ARMH1: variants seen among roughly 807,000 people sequenced by gnomAD.
The protein encoded by ARMH1 is armadillo like helical domain containing 1.
A neutral mutation model predicts 50.2 loss-of-function variants in ARMH1; 34 were observed. The observed-to-expected ratio is 0.68, with a 90% CI of 0.51 to 0.90. ARMH1 has a LOEUF of 0.90. ARMH1 is among the 40% of genes least tolerant of loss of function. ARMH1 has a pLI of 0.00. For synonymous variants in ARMH1, 221 were observed against 224.2 expected, an observed-to-expected ratio of 0.99 and a Z score of 0.13; for missense variants, 538 against 553.9, an observed-to-expected ratio of 0.97 and a Z score of 0.29.
At chr1:44,710,463 G>C (rs1413934808) in intron 6 of ARMH1, among the ~76,000 whole-genome samples, 2 of 151,868 alleles carry the variant, frequency 1.3e-5, no homozygotes, top group East Asian at 3.9e-4. Context: ...CAAAAAATTA[G>C]CCGGGCGTGG....
At chr1:44,721,733 C>T (rs746023351) in intron 6 of ARMH1, 6 of 151,974 alleles carry the variant, frequency 3.9e-5, no homozygotes, top group African/African-American at 9.7e-5. Context: ...ACCCCAACCT[C>T]CCAAAGCATG....
chr1:44,686,954 A>G (rs923415020), intron 1 of ARMH1, among the ~76,000 whole-genome samples: 4 of 139,106 alleles, frequency 2.9e-5, no homozygotes, highest in African/African-American at 1.1e-4. Flanking sequence ...CTCATTTCAG[A>G]AAAAAAAAAA....
intron 2 of ARMH1, among the ~76,000 whole-genome samples, chr1:44,691,756 T>C (rs1053675229): frequency 3.3e-5 from 5 of 152,214 alleles, no homozygotes; most frequent in African/African-American, 1.2e-4. Flanking sequence ...TACCCATATA[T>C]CCATCTTCAC....
intron 6 of ARMH1, among the ~76,000 whole-genome samples, chr1:44,721,170 G>A (rs1417139001): frequency 6.6e-6 from 1 of 152,052 alleles, no homozygotes; most frequent in Admixed American, 6.6e-5. Flanking sequence ...AGGTCAAGGT[G>A]GGCCAAAAGT....
chr1:44,693,712 T>A (rs1420015595), intron 2 of ARMH1, among the ~76,000 whole-genome samples: 1 of 152,210 alleles, frequency 6.6e-6, no homozygotes, highest in African/African-American at 2.4e-5. Flanking sequence ...CACCTTGACC[T>A]CTCAAAGTGC....
rs143381915 is a variant in ARMH1, at chr1:44,724,713, C to T, written c.1050+45C>T. 4 of 1,490,588 alleles carry T rather than the reference C, an allele frequency of 2.7e-6. No homozygotes were observed. Among genetic ancestry groups the T allele is most frequent in the Non-Finnish European group, 3.5e-6 (4 of 1,126,898 alleles). 92.3% of individuals were successfully genotyped at this position (1,490,588 alleles called of 1,614,324 possible). The stretch of plus-strand genomic sequence containing the variant: ...AGGGGGCGGGAAGGGCGGCGGCACC[C>T]GCAGCCCCGTCGCCCCCGCAGTCAC... On this transcript the variant is annotated intron_variant, in intron 9 of 11. Transcript: ENST00000535358. The surrounding 1 kb of genome is among the most constrained non-coding windows in gnomAD (Gnocchi z 6.4).
rs961525410 is a variant in ARMH1 at position 44,682,858 on chromosome 1, C to G, written c.-22-6818C>G. The stretch of plus-strand genomic sequence containing the variant: ...AGGAGGCTGAGGTGGGAGGATCACT[C>G]GAGCCCAGGCGATTGAGGCTGCGGT... On this transcript the variant is annotated intron_variant, in intron 1 of 11. Transcript: ENST00000535358. This position sits in a 1 kb window ranked among gnomAD's most constrained non-coding sequence, Gnocchi z 4.5. Among the ~76,000 whole-genome samples, 2 of 152,130 alleles carry G rather than the reference C, an allele frequency of 1.3e-5. No individual in the cohort carries two copies. Among genetic ancestry groups the G allele is most frequent in the African/African-American group, 2.4e-5 (1 of 41,418 alleles).
At chr1:44,709,849 G>T (rs1646523025) in intron 6 of ARMH1, among the ~76,000 whole-genome samples, 1 of 151,884 alleles carries the variant, frequency 6.6e-6, no homozygotes, top group African/African-American at 2.4e-5. Context: ...AAAAAAAATT[G>T]CTGAAAATAT....
intron 6 of ARMH1, among the ~76,000 whole-genome samples, chr1:44,711,664 A>G (rs1222637311): frequency 6.6e-6 from 1 of 152,078 alleles, no homozygotes; most frequent in Non-Finnish European, 1.5e-5. Flanking sequence ...TTTCTCATTT[A>G]TTCATTTACT....
intron 2 of ARMH1, among the ~76,000 whole-genome samples, chr1:44,694,879 C>CCTAA (rs1413985401): frequency 6.6e-6 from 1 of 152,082 alleles, no homozygotes; most frequent in Non-Finnish European, 1.5e-5. Flanking sequence ...GTCATTTGGG[C>CCTAA]CTAACACCCA....
At chr1:44,716,728 C>T (rs1003261148) in intron 6 of ARMH1, among the ~76,000 whole-genome samples, 17 of 152,324 alleles carry the variant, frequency 1.1e-4, no homozygotes, top group Admixed American at 2.0e-4. Context: ...GGCCTCTACA[C>T]CAATCTTCAT....
rs1647921220 is a variant in ARMH1, at chr1:44,724,443, G to A, written c.920+51G>A. ...GCTGCAGCAAGCCTGGCTTGGCGCT[G>A]CCGGCGGGCCCCGGGAGCGCTCCGT... On this transcript the variant is annotated intron_variant, in intron 8 of 11. Transcript: ENST00000535358. The surrounding 1 kb of genome is among the most constrained non-coding windows in gnomAD (Gnocchi z 6.4). 6.5e-7 allele frequency: 1 copy of A among 1,535,856 alleles called. No homozygotes were observed.
rs146787185 is a variant in ARMH1 at position 44,688,868 on chromosome 1, T to A, written c.-22-808T>A. Among the ~76,000 whole-genome samples the A allele has an allele frequency of 1.6e-3, 240 of 152,270 alleles. 1 individual carries two copies. Among genetic ancestry groups the A allele is most frequent in the African/African-American group, 5.5e-3 (229 of 41,552 alleles). ...TAATCCAACTATGGAATGGGAACATTTTCTTCCCACTAACTTTTTTTTAAG... is the reference window on the plus strand; with the variant it reads ...TAATCCAACTATGGAATGGGAACATATTCTTCCCACTAACTTTTTTTTAAG... On this transcript the variant is annotated intron_variant, in intron 1 of 11. Transcript: ENST00000535358.
intron 1 of ARMH1, 109 bp from the exon 2 acceptor site, chr1:44,689,567 C>A (rs1034983995): frequency 2.4e-6 from 2 of 822,482 alleles, no homozygotes; most frequent in African/African-American, 1.7e-5. Context: ...TAACTACATC[C>A]ATTTGCATGA....
In ARMH1 at chr1:44,682,367, A is replaced by G. The variant is rs543043641; in HGVS notation, c.-22-7309A>G. Among the ~76,000 whole-genome samples, 8 of 152,306 alleles carry G rather than the reference A, an allele frequency of 5.3e-5. No homozygotes were observed. Among genetic ancestry groups the G allele is most frequent in the African/African-American group, 1.9e-4 (8 of 41,558 alleles). ...AGGGAAAGACAGATGGCCTGACCTCAGAGGAGGAGGAAGGGTTCAGGAACA... is the reference window on the plus strand; with the variant it reads ...AGGGAAAGACAGATGGCCTGACCTCGGAGGAGGAGGAAGGGTTCAGGAACA... On this transcript the variant is annotated intron_variant, in intron 1 of 11. Transcript: ENST00000535358. The surrounding 1 kb of genome is among the most constrained non-coding windows in gnomAD (Gnocchi z 4.5).
intron 6 of ARMH1, among the ~76,000 whole-genome samples, chr1:44,714,004 G>A (rs921810404): frequency 4.6e-5 from 7 of 152,150 alleles, no homozygotes; most frequent in Admixed American, 1.3e-4. Context: ...GGGGCCTGAC[G>A]CAGTGGCTCA....
chr1:44,700,392 C>T (rs996015214), intron 4 of ARMH1, among the ~76,000 whole-genome samples: 10 of 152,004 alleles, frequency 6.6e-5, no homozygotes, highest in African/African-American at 1.9e-4. Flanking sequence ...CCAAGGTGGG[C>T]GCATCACGAG....
intron 2 of ARMH1, chr1:44,693,117 A>G (rs999991698): frequency 6.6e-6 from 1 of 152,190 alleles, no homozygotes; most frequent in Non-Finnish European, 1.5e-5. Context: ...CACACTCCCA[A>G]GGTTCTGCTT....
At chr1:44,714,112 CA>C (rs1403351555) in intron 6 of ARMH1, among the ~76,000 whole-genome samples, 3 of 150,952 alleles carry the variant, frequency 2.0e-5, no homozygotes, top group Non-Finnish European at 4.4e-5. Context: ...ACTAAAAATA[CA>C]AAAAAAATTA....
Sources: gnomAD v4.1 joint callset for allele counts (sites outside exome capture counted in the v4.1 genomes callset) on GRCh38, gnomAD v4.1.1 for gene constraint, Gnocchi (gnomAD v3.1) non-coding constraint, MANE v1.5 for transcripts, NCBI Gene and HGNC (gene_info 2026-07-23, HGNC 2026-07-21) for gene names.